The following AGBL1 variants were observed in gnomAD, a reference collection of about 807,000 sequenced individuals.
The protein encoded by AGBL1 is AGBL carboxypeptidase 1.
In AGBL1, 130 loss-of-function variants were observed where a neutral mutation model predicts 118.9. That is an observed-to-expected ratio of 1.09 (90% CI 0.95 to 1.26). The LOEUF (loss-of-function observed/expected upper bound fraction) is 1.26. Among genes scored for constraint, AGBL1 ranks in the 50% most tolerant of loss-of-function variants. The probability of loss-of-function intolerance (pLI) is 0.00; values close to 1 mark genes in which losing one functional copy is unlikely to be tolerated. For synonymous variants in AGBL1, 555 were observed against 478.9 expected (o/e 1.16, Z -2.08); for missense variants, 1,584 against 1,298.1 (o/e 1.22, Z -3.38).
intron 21 of AGBL1, among the ~76,000 whole-genome samples, chr15:86,648,420 C>T (rs112031058): frequency 6.6e-6 from 1 of 152,198 alleles, no homozygotes; most frequent in Admixed American, 6.5e-5. Context: ...TAATGGAGTG[C>T]TCTCAGGTTT....
intron 22 of AGBL1, among the ~76,000 whole-genome samples, chr15:86,816,472 CAGG>C (rs1281324523): frequency 1.3e-5 from 2 of 152,120 alleles, no homozygotes; most frequent in African/African-American, 2.4e-5. Context: ...AAAGAAATAT[CAGG>C]AGGATAGGTT....
At chr15:86,651,206 G>A (rs1243753017) in intron 21 of AGBL1, among the ~76,000 whole-genome samples, 1 of 152,096 alleles carries the variant, frequency 6.6e-6, no homozygotes, top group African/African-American at 2.4e-5. Context: ...TGAGGCCCAG[G>A]ATTATTCATT....
chr15:86,773,044 G>A (rs1270338996), intron 22 of AGBL1, among the ~76,000 whole-genome samples: 1 of 151,968 alleles, frequency 6.6e-6, no homozygotes, highest in African/African-American at 2.4e-5. Context: ...AGATTTACCT[G>A]GATTTTTCGG....
chr15:86,734,263 A>G (rs1040868615), intron 22 of AGBL1, among the ~76,000 whole-genome samples: 1 of 152,216 alleles, frequency 6.6e-6, no homozygotes, highest in African/African-American at 2.4e-5. Context: ...GTGTGACTCT[A>G]AAGTATATAT....
chr15:87,010,877 T>G (rs2081552628), intron 24 of AGBL1, among the ~76,000 whole-genome samples: 1 of 152,198 alleles, frequency 6.6e-6, no homozygotes, highest in African/African-American at 2.4e-5. Context: ...TGTTCATCTA[T>G]CTATCCACCC....
At chr15:86,960,825 A>C (rs78456503) in intron 23 of AGBL1, among the ~76,000 whole-genome samples, 412 of 152,220 alleles carry the variant, frequency 2.7e-3, no homozygotes, top group African/African-American at 9.1e-3. Flanking sequence ...TAAGTGAAAT[A>C]AGCCAGACAG....
At chr15:86,153,932 A>G (rs1289646742) in intron 3 of AGBL1, among the ~76,000 whole-genome samples, 1 of 152,170 alleles carries the variant, frequency 6.6e-6, no homozygotes, top group East Asian at 1.9e-4. Context: ...TCACAATACC[A>G]TTATTACAAA....
In AGBL1 at chr15:86,446,550, G is replaced by A. The variant is rs1409578186; in HGVS notation, c.2555+49004G>A. ...TCACACTTATGCAAATGCCTGCAAA[G>A]TTTCTGATTATTTTATTTCATCAGA... On this transcript the variant is annotated intron_variant, in intron 18 of 22. Coordinates refer to ENST00000614907, the MANE Select transcript of AGBL1 (RefSeq NM_001386094.1). 3.3e-5 allele frequency among the ~76,000 whole-genome samples: 5 copies of A among 152,178 alleles called. No individual in the cohort carries two copies. The South Asian group carries it at 8.3e-4, about 25-fold the overall frequency.
At chr15:86,680,643 T>C (rs960470109) in intron 22 of AGBL1, among the ~76,000 whole-genome samples, 3 of 138,458 alleles carry the variant, frequency 2.2e-5, no homozygotes, top group Non-Finnish European at 4.6e-5. Context: ...CTTGGCTCAC[T>C]ACAACCTCTG....
chr15:86,526,950 T>A (rs909431264), intron 19 of AGBL1, among the ~76,000 whole-genome samples: 1 of 151,788 alleles, frequency 6.6e-6, no homozygotes, highest in African/African-American at 2.4e-5. Flanking sequence ...TTTACCACTA[T>A]AGAATTCATC....
chr15:87,021,975 CTGCA>C (rs1350694483), intron 24 of AGBL1, among the ~76,000 whole-genome samples: 2 of 152,126 alleles, frequency 1.3e-5, no homozygotes, highest in African/African-American at 4.8e-5. Context: ...TCACAGGACT[CTGCA>C]GAAAATCCCC....
chr15:86,645,086 A>G (rs569558390), intron 21 of AGBL1, among the ~76,000 whole-genome samples: 2 of 152,202 alleles, frequency 1.3e-5, no homozygotes, highest in South Asian at 4.2e-4. Context: ...CAAACATATG[A>G]TTTAATTAGA....
rs187258799 is a variant in AGBL1, at chr15:86,675,804, G to A, written c.3158+1368G>A. ...TCTTTTTCCCCCTCTCTCCTCTGCT[G>A]CTCATTGAGGGAAGATTGAGCAGAA... On this transcript the variant is annotated intron_variant, in intron 22 of 22. Coordinates refer to ENST00000614907, the MANE Select transcript of AGBL1 (RefSeq NM_001386094.1). Among the ~76,000 whole-genome samples, 404 of 152,190 alleles carry A rather than the reference G, an allele frequency of 2.7e-3. 2 individuals carry two copies. The highest frequency in any genetic ancestry group is 9.3e-3 in the African/African-American group (387 of 41,526).
intron 22 of AGBL1, among the ~76,000 whole-genome samples, chr15:86,816,220 G>A (rs1245895665): frequency 6.6e-6 from 1 of 152,186 alleles, no homozygotes; most frequent in East Asian, 1.9e-4. Flanking sequence ...CAAATAGAAT[G>A]GCGAGGTCTT....
At position 86,412,175 on chromosome 15, in the gene AGBL1, G is replaced by A. The variant is rs185100635; in HGVS notation, c.2555+14629G>A. 3.9e-5 allele frequency among the ~76,000 whole-genome samples: 6 copies of A among 152,274 alleles called. No homozygotes were observed. The East Asian group carries it at 1.2e-3, about 29-fold the overall frequency. On this transcript the variant is annotated intron_variant, in intron 18 of 22. Transcript: ENST00000614907. ...TCTGTAGATAACATTCTCTTAACTA[G>A]TCTATACAGACATGCATTCACCCTA...
chr15:86,692,004 G>A (rs765550772), intron 22 of AGBL1, among the ~76,000 whole-genome samples: 1 of 151,790 alleles, frequency 6.6e-6, no homozygotes, highest in African/African-American at 2.4e-5. Flanking sequence ...AGCAATTTGA[G>A]GCTTGTCCCT....
intron 18 of AGBL1, among the ~76,000 whole-genome samples, chr15:86,467,511 C>G (rs984692459): frequency 6.6e-6 from 1 of 152,208 alleles, no homozygotes; most frequent in African/African-American, 2.4e-5. Context: ...CCAGGCCCCA[C>G]TGGGGTATGA....
intron 7 of AGBL1, 61 bp from the exon 8 acceptor site, chr15:86,256,792 T>G (rs1284731951): frequency 1.3e-6 from 2 of 1,561,382 alleles, no homozygotes; most frequent in African/African-American, 1.4e-5. Flanking sequence ...TTATTAGCTG[T>G]GTTACAGCTA....
chr15:86,663,930 T>C (rs900331140), intron 21 of AGBL1, among the ~76,000 whole-genome samples: 1 of 152,188 alleles, frequency 6.6e-6, no homozygotes, highest in African/African-American at 2.4e-5. Flanking sequence ...ACCCTCTGTA[T>C]GCATCCTCTA....
Sources: allele counts gnomAD v4.1 joint callset (sites outside exome capture counted in the v4.1 genomes callset), GRCh38; gene constraint gnomAD v4.1.1; transcripts MANE v1.5; gene names NCBI Gene and HGNC (gene_info 2026-07-23, HGNC 2026-07-21).